RPSA2: variants seen among roughly 807,000 people sequenced by gnomAD.
RPSA2 encodes small ribosomal subunit protein uS2B.
chr19:23,831,093 C>G, the RPSA2 span, among the ~76,000 whole-genome samples: 1 of 152,040 alleles, frequency 6.6e-6, no homozygotes, highest in South Asian at 2.1e-4. Flanking sequence ...TGCTGTCAGT[C>G]TGCTGCTCTA....
chr19:23,845,633 A>G, the RPSA2 span, among the ~76,000 whole-genome samples: 1 of 152,320 alleles, frequency 6.6e-6, no homozygotes, highest in Non-Finnish European at 1.5e-5. Flanking sequence ...CTAGTATCAT[A>G]GGTGCGCAGC....
the RPSA2 span, among the ~76,000 whole-genome samples, chr19:23,857,071 G>C: frequency 6.6e-6 from 1 of 152,088 alleles, no homozygotes; most frequent in Non-Finnish European, 1.5e-5. Flanking sequence ...CAATCGCATA[G>C]AACAGACATT....
chr19:23,852,397 G>T, the RPSA2 span, among the ~76,000 whole-genome samples: 1,280 of 152,146 alleles, frequency 8.4e-3, 17 homozygotes, highest in African/African-American at 0.029. Context: ...GAAATCAGGG[G>T]TCTCACAGCC....
chr19:23,845,393 G>A, the RPSA2 span, among the ~76,000 whole-genome samples: 3 of 151,388 alleles, frequency 2.0e-5, no homozygotes, highest in Admixed American at 1.3e-4. Context: ...AGACATTTAG[G>A]CTATAAACTG....
chr19:23,824,267 G>A, the RPSA2 span, among the ~76,000 whole-genome samples: 2 of 152,174 alleles, frequency 1.3e-5, no homozygotes, highest in East Asian at 3.9e-4. Flanking sequence ...TGCATTGGGA[G>A]GAAAACAGGA....
the RPSA2 span, among the ~76,000 whole-genome samples, chr19:23,775,498 A>G: frequency 6.6e-6 from 1 of 152,200 alleles, no homozygotes; most frequent in Non-Finnish European, 1.5e-5. Context: ...CGTGTACCTT[A>G]TAAATTCCTC....
chr19:23,810,681 G>T, the RPSA2 span, among the ~76,000 whole-genome samples: 1 of 152,114 alleles, frequency 6.6e-6, no homozygotes, highest in African/African-American at 2.4e-5. Flanking sequence ...ATGAGTCATG[G>T]AACTGCCTCA....
chr19:23,856,091 G>A, the RPSA2 span, among the ~76,000 whole-genome samples: 26 of 152,080 alleles, frequency 1.7e-4, no homozygotes, highest in Non-Finnish European at 2.9e-4. Context: ...GAAGGGAGAC[G>A]CTGAGCAGAT....
chr19:23,818,110 C>T, the RPSA2 span: 1 of 152,142 alleles, frequency 6.6e-6, no homozygotes, highest in Non-Finnish European at 1.5e-5. Context: ...TTAATAGCAT[C>T]ACTATGACTT....
chr19:23,862,999 T>A, the RPSA2 span, among the ~76,000 whole-genome samples: 1 of 151,550 alleles, frequency 6.6e-6, no homozygotes, highest in Non-Finnish European at 1.5e-5. Context: ...CACCTCCCAA[T>A]GAATAAAAAA....
chr19:23,863,735 C>T, the RPSA2 span, among the ~76,000 whole-genome samples: 2 of 152,060 alleles, frequency 1.3e-5, no homozygotes, highest in African/African-American at 4.8e-5. Context: ...ACATATGAGC[C>T]CTTACAAAAT....
chr19:23,769,633 G>C, the RPSA2 span, among the ~76,000 whole-genome samples: 150,913 of 152,340 alleles, frequency 0.99, 74,768 homozygotes, highest in Middle Eastern at 1. Flanking sequence ...CGTGAGCCAC[G>C]ATGCCCGGCC....
the RPSA2 span, among the ~76,000 whole-genome samples, chr19:23,810,258 G>A: frequency 6.6e-6 from 1 of 152,032 alleles, no homozygotes. Context: ...GCCGGGCGTG[G>A]TGGCAGGCGC....
At chr19:23,792,595 T>TG in the RPSA2 span, among the ~76,000 whole-genome samples, 2 of 150,786 alleles carry the variant, frequency 1.3e-5, no homozygotes, top group Admixed American at 1.3e-4. Flanking sequence ...GTTTTTGTTT[T>TG]TTTTTTTGTG....
chr19:23,826,327 G>C, the RPSA2 span, among the ~76,000 whole-genome samples: 2 of 151,832 alleles, frequency 1.3e-5, no homozygotes, highest in African/African-American at 4.8e-5. Context: ...TGAATAGCTG[G>C]AATTACAGGT....
the RPSA2 span, among the ~76,000 whole-genome samples, chr19:23,782,874 A>G: frequency 6.6e-6 from 1 of 152,026 alleles, no homozygotes; most frequent in African/African-American, 2.4e-5. Flanking sequence ...ACATGTCTCT[A>G]GGCTTCTCAC....
chr19:23,843,779 G>T, the RPSA2 span, among the ~76,000 whole-genome samples: 2 of 151,696 alleles, frequency 1.3e-5, no homozygotes, highest in Admixed American at 1.3e-4. Flanking sequence ...TTTTTTTTGA[G>T]ATGAAGTTTC....
the RPSA2 span, among the ~76,000 whole-genome samples, chr19:23,801,535 C>T: frequency 9.8e-4 from 149 of 152,324 alleles, no homozygotes; most frequent in African/African-American, 3.2e-3. Flanking sequence ...GCCACTGTGG[C>T]TGTCTGCCAG....
the RPSA2 span, among the ~76,000 whole-genome samples, chr19:23,828,307 G>T: frequency 7.7e-6 from 1 of 130,434 alleles, no homozygotes; most frequent in South Asian, 2.8e-4. Flanking sequence ...TTTAATGCCT[G>T]CAGCATTCTT....
Sources: gnomAD v4.1 joint callset for allele counts (sites outside exome capture counted in the v4.1 genomes callset) on GRCh38, gnomAD v4.1.1 for gene constraint, MANE v1.5 for transcripts, NCBI Gene and HGNC (gene_info 2026-07-23, HGNC 2026-07-21) for gene names.